The following TENM3 variants were observed in gnomAD, a reference collection of about 807,000 sequenced individuals.
TENM3 encodes the protein teneurin transmembrane protein 3.
Under a neutral mutation model 255.1 loss-of-function variants are expected in TENM3, and 63 were observed. The ratio of observed to expected loss-of-function variants is 0.25; its 90% CI spans 0.20 to 0.30. The LOEUF (loss-of-function observed/expected upper bound fraction) is 0.30, where lower values mean the gene tolerates loss of function less well. TENM3 is among the 10% of genes least tolerant of loss of function. The pLI, the probability that TENM3 is intolerant of heterozygous loss-of-function variation, is 1.00. For missense variants in TENM3, 2,929 were observed against 3,461.1 expected, an observed-to-expected ratio of 0.85 and a Z score of 3.86; for synonymous variants, 1,306 against 1,322.3, an observed-to-expected ratio of 0.99 and a Z score of 0.27.
At chr4:182,652,734 C>T (rs868030411) in intron 5 of TENM3, among the ~76,000 whole-genome samples, 20 of 152,098 alleles carry the variant, frequency 1.3e-4, no homozygotes, top group South Asian at 4.1e-4. Context: ...ATTCTTCCTC[C>T]ATTGCGCTGG....
chr4:181,467,101 GTGTATATA>G, the TENM3 span, among the ~76,000 whole-genome samples: 2 of 71,224 alleles, frequency 2.8e-5, no homozygotes, highest in Middle Eastern at 7.6e-3. Context: ...GTGTGTGTGT[GTGTATATA>G]TATATATATA....
the TENM3 span, among the ~76,000 whole-genome samples, chr4:181,777,963 A>G: frequency 6.6e-6 from 1 of 152,072 alleles, no homozygotes; most frequent in African/African-American, 2.4e-5. Flanking sequence ...TTATAATTAA[A>G]TACAGTTAAA....
the TENM3 span, among the ~76,000 whole-genome samples, chr4:181,781,788 A>G: frequency 1.3e-5 from 2 of 152,108 alleles, no homozygotes; most frequent in Admixed American, 6.6e-5. Flanking sequence ...TTTGAGATAC[A>G]TCCCATCAAT....
At chr4:182,262,478 C>A (rs1430703872) in intron 1 of TENM3, among the ~76,000 whole-genome samples, 1 of 152,136 alleles carries the variant, frequency 6.6e-6, no homozygotes, top group African/African-American at 2.4e-5. Context: ...CCCACCAAAA[C>A]CAAGATGGTG....
chr4:182,414,293 C>A (rs1353640695), intron 3 of TENM3, among the ~76,000 whole-genome samples: 1 of 152,064 alleles, frequency 6.6e-6, no homozygotes, highest in African/African-American at 2.4e-5. Flanking sequence ...ATTTTGCTAA[C>A]AGTCATGTTC....
the TENM3 span, among the ~76,000 whole-genome samples, chr4:181,988,631 T>C: frequency 6.6e-6 from 1 of 152,122 alleles, no homozygotes; most frequent in Non-Finnish European, 1.5e-5. Flanking sequence ...TCACTTAAAT[T>C]TCACAGTCTC....
At chr4:182,730,543 T>C (rs1271797625) in intron 15 of TENM3, among the ~76,000 whole-genome samples, 1 of 152,208 alleles carries the variant, frequency 6.6e-6, no homozygotes, top group African/African-American at 2.4e-5. Flanking sequence ...ACTGTAGTTT[T>C]GTAGGAGAAT....
chr4:181,950,341 C>T, the TENM3 span, among the ~76,000 whole-genome samples: 1 of 152,122 alleles, frequency 6.6e-6, no homozygotes, highest in African/African-American at 2.4e-5. Flanking sequence ...CTCAGCCCGC[C>T]TGCGCCCAGG....
intron 22 of TENM3, among the ~76,000 whole-genome samples, chr4:182,766,853 G>A (rs1763758991): frequency 6.6e-6 from 1 of 152,154 alleles, no homozygotes; most frequent in African/African-American, 2.4e-5. Context: ...AAATGCAGCA[G>A]CAACAAAGAC....
chr4:182,009,809 G>C, the TENM3 span, among the ~76,000 whole-genome samples: 1 of 152,354 alleles, frequency 6.6e-6, no homozygotes, highest in South Asian at 2.1e-4. Flanking sequence ...CACATTCTGG[G>C]GTTGGGATGC....
the TENM3 span, among the ~76,000 whole-genome samples, chr4:181,959,859 A>T: frequency 2.6e-5 from 4 of 152,182 alleles, no homozygotes; most frequent in Non-Finnish European, 5.9e-5. Context: ...GTCCATATAA[A>T]ATAGACATTA....
chr4:182,619,706 G>A (rs1219802008), intron 4 of TENM3, among the ~76,000 whole-genome samples: 2 of 152,124 alleles, frequency 1.3e-5, no homozygotes, highest in Admixed American at 6.5e-5. Context: ...GTTAGTGTTC[G>A]GTGACCTTCT....
chr4:181,454,668 A>ATACCATTTTTTTACTTTTTTTTTTTTTTT, the TENM3 span, among the ~76,000 whole-genome samples: 2 of 88,174 alleles, frequency 2.3e-5, no homozygotes, highest in African/African-American at 1.0e-4. Context: ...TATGTTTTTT[A>ATACCATTTTTTTACTTTTTTTTTTTTTTT]TACCATTTTT....
At chr4:182,543,240 G>C (rs1349328834) in intron 3 of TENM3, among the ~76,000 whole-genome samples, 1 of 151,232 alleles carries the variant, frequency 6.6e-6, no homozygotes, top group Non-Finnish European at 1.5e-5. Context: ...CATGGATGGA[G>C]GGAAGGGAGG....
intron 3 of TENM3, among the ~76,000 whole-genome samples, chr4:182,508,170 T>G (rs1288213136): frequency 6.6e-6 from 1 of 152,212 alleles, no homozygotes. Context: ...ACATGTAATA[T>G]TGACAATGCC....
chr4:182,247,502 C>G (rs1286890850), intron 1 of TENM3, among the ~76,000 whole-genome samples: 1 of 152,144 alleles, frequency 6.6e-6, no homozygotes, highest in African/African-American at 2.4e-5. Context: ...AAAAATGGAA[C>G]GAGCAGCTTC....
At chr4:182,736,628 T>C (rs1174612419) in intron 16 of TENM3, among the ~76,000 whole-genome samples, 180 bp from the exon 17 acceptor site, 1 of 152,252 alleles carries the variant, frequency 6.6e-6, no homozygotes, top group Non-Finnish European at 1.5e-5. Context: ...AGTGATTCTT[T>C]TGTGTTTTAT....
the TENM3 span, among the ~76,000 whole-genome samples, chr4:181,907,309 G>A: frequency 6.6e-6 from 1 of 152,170 alleles, no homozygotes; most frequent in Non-Finnish European, 1.5e-5. Context: ...AATCCTGAAG[G>A]GGAAGATCCC....
chr4:182,392,510 T>C (rs1014435319), intron 3 of TENM3, among the ~76,000 whole-genome samples: 1 of 152,202 alleles, frequency 6.6e-6, no homozygotes, highest in Non-Finnish European at 1.5e-5. Context: ...ACCAGCATTT[T>C]TGGAAAAGCA....
Sources: allele counts gnomAD v4.1 joint callset (sites outside exome capture counted in the v4.1 genomes callset), GRCh38; gene constraint gnomAD v4.1.1; transcripts MANE v1.5; gene names NCBI Gene and HGNC (gene_info 2026-07-23, HGNC 2026-07-21).